The following PTPRQ variants were observed in gnomAD, a reference collection of about 807,000 sequenced individuals.
PTPRQ encodes the protein phosphatidylinositol phosphatase PTPRQ.
Under a neutral mutation model 246.0 loss-of-function variants are expected in PTPRQ, and 199 were observed. The observed-to-expected ratio is 0.81, with a 90% CI of 0.72 to 0.91. The LOEUF (loss-of-function observed/expected upper bound fraction) is 0.91. Ranked by LOEUF, PTPRQ falls within the 40% of genes least tolerant of loss-of-function variation. The pLI, the probability that PTPRQ is intolerant of heterozygous loss-of-function variation, is 0.00. For synonymous variants in PTPRQ, 869 were observed against 853.2 expected (o/e 1.02, Z -0.32); for missense variants, 2,624 against 2,528.4 (o/e 1.04, Z -0.81).
intron 25 of PTPRQ, among the ~76,000 whole-genome samples, chr12:80,578,875 T>A (rs1326909694): frequency 6.6e-6 from 1 of 152,168 alleles, no homozygotes; most frequent in African/African-American, 2.4e-5. Flanking sequence ...ATAACAAAGA[T>A]TTACTATCTT....
In PTPRQ at chr12:80,675,328, G is replaced by C. The variant is rs982302905; in HGVS notation, c.6738+2024G>C. Reference sequence around the variant, plus strand: ...TTTGCATTCTCTCTAATCCAAGTTTGGCTAACAAATTAGGTAGCTGGTCTT... The same window carrying C: ...TTTGCATTCTCTCTAATCCAAGTTTCGCTAACAAATTAGGTAGCTGGTCTT... On this transcript the variant is annotated intron_variant, in intron 43 of 44. Coordinates refer to ENST00000644991, the MANE Select transcript of PTPRQ (RefSeq NM_001145026.2). Among the ~76,000 whole-genome samples the C allele has an allele frequency of 9.9e-5, 15 of 152,248 alleles. No homozygotes were observed. The South Asian group carries it at 2.9e-3, about 29-fold the overall frequency.
chr12:80,657,546 A>T (rs527636576), intron 38 of PTPRQ, among the ~76,000 whole-genome samples: 1 of 151,970 alleles, frequency 6.6e-6, no homozygotes, highest in Non-Finnish European at 1.5e-5. Flanking sequence ...TCTATTCAAC[A>T]TTTTATAATT....
At chr12:80,635,319 G>A (rs1899604915) in intron 35 of PTPRQ, among the ~76,000 whole-genome samples, 1 of 152,038 alleles carries the variant, frequency 6.6e-6, no homozygotes, top group Non-Finnish European at 1.5e-5. Context: ...TTATTTTCCT[G>A]GGACAAATAT....
chr12:80,454,869 T>C (rs746529691), intron 3 of PTPRQ, among the ~76,000 whole-genome samples: 21 of 152,356 alleles, frequency 1.4e-4, no homozygotes, highest in Admixed American at 5.9e-4. Context: ...GTCACTAAGC[T>C]AAAGCTTTTA....
At chr12:80,519,626 C>T (rs1447994302) in intron 17 of PTPRQ, among the ~76,000 whole-genome samples, 2 of 152,116 alleles carry the variant, frequency 1.3e-5, no homozygotes, top group Admixed American at 1.3e-4. Context: ...TATGAATATT[C>T]AGGAAGGTGG....
At chr12:80,545,357 T>A (rs1400367703) in intron 23 of PTPRQ, among the ~76,000 whole-genome samples, 2 of 152,100 alleles carry the variant, frequency 1.3e-5, no homozygotes, top group African/African-American at 4.8e-5. Context: ...TAAAATAGGA[T>A]TCTAATTGTA....
intron 4 of PTPRQ, among the ~76,000 whole-genome samples, chr12:80,458,563 G>T (rs1893049302): frequency 6.6e-6 from 1 of 150,382 alleles, no homozygotes; most frequent in African/African-American, 2.5e-5. Flanking sequence ...CAGACGTTTT[G>T]TTTCATTTTG....
At chr12:80,654,976 A>C (rs1216953583) in intron 38 of PTPRQ, among the ~76,000 whole-genome samples, 1 of 152,148 alleles carries the variant, frequency 6.6e-6, no homozygotes, top group Non-Finnish European at 1.5e-5. Context: ...AATTTGATAG[A>C]TCAGAAAGTT....
In PTPRQ at chr12:80,495,254, T is replaced by C; in HGVS notation, c.1765T>C (p.Trp589Arg). 2 of 1,544,650 alleles carry C rather than the reference T, an allele frequency of 1.3e-6. No individual in the cohort carries two copies. Among genetic ancestry groups the C allele is most frequent in the Non-Finnish European group, 1.7e-6 (2 of 1,144,896 alleles). Residue 589 changes from tryptophan to arginine, a missense_variant, in exon 12 of 45, where the codon TGG becomes CGG. Physicochemically the swap from Trp to Arg is moderately radical, Grantham distance 101. Coordinates refer to ENST00000644991, the MANE Select transcript of PTPRQ (RefSeq NM_001145026.2). ...TAGTTCTTCATCTATTTTGTTATAT[T>C]GGGATCCTCCAGAATATCCCAATGG... ...NISSSSILLY[W>R]DPPEYPNGKI...
intron 26 of PTPRQ, among the ~76,000 whole-genome samples, chr12:80,593,068 T>G (rs1294818363): frequency 6.6e-6 from 1 of 152,160 alleles, no homozygotes; most frequent in African/African-American, 2.4e-5. Context: ...ATAATAACTC[T>G]TTCTCTGAAT....
intron 3 of PTPRQ, among the ~76,000 whole-genome samples, chr12:80,447,819 G>A (rs11833433): frequency 0.048 from 7,320 of 152,056 alleles, 582 homozygotes; most frequent in African/African-American, 0.17. Flanking sequence ...AGTATAATTC[G>A]AAGTCAGGTA....
chr12:80,652,068 CAT>C (rs1279187204), intron 37 of PTPRQ, among the ~76,000 whole-genome samples: 1 of 152,060 alleles, frequency 6.6e-6, no homozygotes, highest in Admixed American at 6.6e-5. Context: ...AAATTTCACA[CAT>C]GTAAATTTTC....
At position 80,613,614 on chromosome 12, in the gene PTPRQ, C is replaced by A; in HGVS notation, c.4941C>A (p.Asn1647Lys). Residue 1647 changes from asparagine (N) to lysine (K), a missense_variant, in exon 29 of 45, where the codon AAC becomes AAA. Coordinates refer to ENST00000644991, the MANE Select transcript of PTPRQ (RefSeq NM_001145026.2). ...LESAPKDPPN[N>K]MTFQKIPDEV... ...TAGCCCCAAAGGACCCACCTAACAA[C>A]ATGACATTTCAGAAGATACCAGATG... 1 of 1,543,090 alleles carries A rather than the reference C, an allele frequency of 6.5e-7. No individual in the cohort carries two copies. Among genetic ancestry groups the A allele is most frequent in the South Asian group, 1.2e-5 (1 of 83,072 alleles).
At chr12:80,495,857 T>A (rs765308533) in intron 12 of PTPRQ, 142 bp from the exon 13 acceptor site, 8 of 999,944 alleles carry the variant, frequency 8.0e-6, no homozygotes, top group African/African-American at 1.7e-5. Context: ...GCCCAAGAAT[T>A]TGAGGAGACT....
At chr12:80,591,739 G>A (rs1031273131) in intron 26 of PTPRQ, among the ~76,000 whole-genome samples, 1 of 152,126 alleles carries the variant, frequency 6.6e-6, no homozygotes, top group African/African-American at 2.4e-5. Context: ...AAATACATCA[G>A]TAGCCTAGAT....
chr12:80,580,615 A>C (rs1452716253), intron 25 of PTPRQ, among the ~76,000 whole-genome samples: 1 of 152,206 alleles, frequency 6.6e-6, no homozygotes, highest in African/African-American at 2.4e-5. Context: ...AATACTTCTG[A>C]GGTAGCCTTG....
intron 25 of PTPRQ, among the ~76,000 whole-genome samples, chr12:80,578,647 C>A (rs1897342543): frequency 6.6e-6 from 1 of 152,104 alleles, no homozygotes; most frequent in South Asian, 2.1e-4. Context: ...CCCGCCTTGG[C>A]CTCCCAAAGT....
At chr12:80,543,947 T>C (rs1896229250) in intron 23 of PTPRQ, among the ~76,000 whole-genome samples, 1 of 152,128 alleles carries the variant, frequency 6.6e-6, no homozygotes, top group Admixed American at 6.6e-5. Flanking sequence ...TATGGGTCAC[T>C]GGGAGATAGA....
intron 32 of PTPRQ, among the ~76,000 whole-genome samples, chr12:80,621,033 G>A (rs1898965275): frequency 6.6e-6 from 1 of 151,788 alleles, no homozygotes. Flanking sequence ...TTATCCTTGT[G>A]TGATTTTCAA....
Sources: gnomAD v4.1 joint callset for allele counts (sites outside exome capture counted in the v4.1 genomes callset) on GRCh38, gnomAD v4.1.1 for gene constraint, MANE v1.5 for transcripts, NCBI Gene and HGNC (gene_info 2026-07-23, HGNC 2026-07-21) for gene names.